The following YEATS2 variants were observed in gnomAD, a reference collection of about 807,000 sequenced individuals.
YEATS2 encodes the protein YEATS domain containing 2.
In YEATS2, 77 loss-of-function variants were observed where a neutral mutation model predicts 163.2. The ratio of observed to expected loss-of-function variants is 0.47; its 90% CI spans 0.39 to 0.57. YEATS2 has a LOEUF of 0.57. Among genes scored for constraint, YEATS2 ranks in the 20% least tolerant of loss-of-function variants. The pLI, the probability that YEATS2 is intolerant of heterozygous loss-of-function variation, is 0.00. For synonymous variants in YEATS2, 631 were observed against 645.1 expected, an observed-to-expected ratio of 0.98 and a Z score of 0.33; for missense variants, 1,549 against 1,729.8, an observed-to-expected ratio of 0.90 and a Z score of 1.85.
At chr3:183,761,730 C>T (rs1342943046) in intron 14 of YEATS2, 116 bp downstream of exon 14, 1 of 918,896 alleles carries the variant, frequency 1.1e-6, no homozygotes, top group African/African-American at 1.6e-5. Context: ...ACTCCTCATT[C>T]TGAGACGTGC....
At chr3:183,799,129 C>T (rs2108510382) in intron 23 of YEATS2, 140 bp downstream of exon 23, 1 of 712,674 alleles carries the variant, frequency 1.4e-6, no homozygotes, top group East Asian at 2.5e-5. Context: ...ATTTGTGAAT[C>T]AGTCACTTGG....
rs1429602870 is a variant in YEATS2 at position 183,777,717 on chromosome 3, A to G, written c.2736+17A>G. 1 of 1,609,660 alleles carries G rather than the reference A, an allele frequency of 6.2e-7. No homozygotes were observed. Among genetic ancestry groups the G allele is most frequent in the South Asian group, 1.1e-5 (1 of 90,168 alleles). On this transcript the variant is annotated intron_variant, in intron 19 of 30. Transcript: ENST00000305135. Reference sequence around the variant, plus strand: ...TTTACACAGGTAAATACGCCCATGCACACACCCCAAATATGGGGTGATTAT... The same window carrying G: ...TTTACACAGGTAAATACGCCCATGCGCACACCCCAAATATGGGGTGATTAT...
chr3:183,786,414 C>CATT, intron 20 of YEATS2, 113 bp downstream of exon 20: 1 of 828,020 alleles, frequency 1.2e-6, no homozygotes, highest in Non-Finnish European at 1.7e-6. Context: ...TCAACTATTG[C>CATT]TTTTTTTTTT....
At chr3:183,718,829 G>A (rs1716184239) in intron 4 of YEATS2, among the ~76,000 whole-genome samples, 1 of 152,144 alleles carries the variant, frequency 6.6e-6, no homozygotes, top group African/African-American at 2.4e-5. Flanking sequence ...TGAGTAGCTG[G>A]GATTACAGGC....
intron 26 of YEATS2, 136 bp downstream of exon 26, chr3:183,803,471 C>A: frequency 2.3e-6 from 2 of 881,540 alleles, no homozygotes; most frequent in South Asian, 1.7e-5. Flanking sequence ...TCTCATTTTT[C>A]AAAGACCTGT....
chr3:183,776,952 C>CAA (rs763680761), intron 18 of YEATS2, among the ~76,000 whole-genome samples: 3 of 92,144 alleles, frequency 3.3e-5, no homozygotes, highest in Non-Finnish European at 4.7e-5. Flanking sequence ...GACTCTGTCT[C>CAA]AAAAAAAAAA....
chr3:183,786,414 C>CTT (rs35962571), intron 20 of YEATS2, 113 bp downstream of exon 20: 321,178 of 818,970 alleles, frequency 0.39, 39,498 homozygotes, highest in Middle Eastern at 0.48. Flanking sequence ...TCAACTATTG[C>CTT]TTTTTTTTTT....
chr3:183,733,931 G>A (rs1027069264), intron 7 of YEATS2, among the ~76,000 whole-genome samples: 1 of 152,118 alleles, frequency 6.6e-6, no homozygotes, highest in Non-Finnish European at 1.5e-5. Context: ...TGAGCACGGG[G>A]CCTTGGCTTT....
At chr3:183,744,421 T>C (rs1719311780) in intron 8 of YEATS2, among the ~76,000 whole-genome samples, 1 of 152,062 alleles carries the variant, frequency 6.6e-6, no homozygotes, top group East Asian at 1.9e-4. Context: ...CTGGCCAGTT[T>C]TACTTTCTTT....
Position 183,724,529 on chromosome 3 carries a change from C to A in YEATS2, c.648C>A (p.Ser216=). ...VKKTIVVGNV[S]KYIPPDKREE... The stretch of plus-strand genomic sequence containing the variant: ...AAACAATAGTAGTGGGCAATGTGTC[C>A]AAGTGAGTATCCAGTTGAATTTATT... The change falls in exon 6 of 31, where the codon TCC becomes TCA. Residue 216 remains serine, a splice_region_variant and synonymous_variant. Coordinates refer to ENST00000305135, the MANE Select transcript of YEATS2 (RefSeq NM_018023.5). The A allele has an allele frequency of 6.3e-7, 1 of 1,593,996 alleles. No homozygotes were observed. Among genetic ancestry groups the A allele is most frequent in the Non-Finnish European group, 8.6e-7 (1 of 1,164,426 alleles).
intron 18 of YEATS2, among the ~76,000 whole-genome samples, chr3:183,776,889 T>C (rs1577169732): frequency 6.6e-6 from 1 of 151,474 alleles, no homozygotes; most frequent in Non-Finnish European, 1.5e-5. Context: ...GAGGCAGAGG[T>C]TGCAGTGAGC....
chr3:183,718,224 A>T (rs751009437), intron 3 of YEATS2, among the ~76,000 whole-genome samples: 1 of 152,222 alleles, frequency 6.6e-6, no homozygotes, highest in Non-Finnish European at 1.5e-5. Flanking sequence ...TTTAAAAAAG[A>T]TAATCCCTCT....
At chr3:183,721,099 T>C (rs1034127737) in intron 4 of YEATS2, among the ~76,000 whole-genome samples, 5 of 152,370 alleles carry the variant, frequency 3.3e-5, no homozygotes, top group East Asian at 1.9e-4. Context: ...TATCCTCTTA[T>C]GTTTTGATTA....
rs772723519 is a variant in YEATS2, at chr3:183,747,668, A to G, written c.925-4A>G. 12 of 1,611,988 alleles carry G rather than the reference A, an allele frequency of 7.4e-6. No individual in the cohort carries two copies. Among genetic ancestry groups the G allele is most frequent in the African/African-American group, 4.0e-5 (3 of 74,920 alleles). The stretch of plus-strand genomic sequence containing the variant: ...TTAACACTCTCCCTTTTGTCTTTCC[A>G]TAGCTGGATAGAACTTATACTGGCT... On this transcript the variant is annotated splice_region_variant and splice_polypyrimidine_tract_variant and intron_variant, in intron 8 of 30. Transcript: ENST00000305135.
Position 183,772,323 on chromosome 3 carries a change from G to A in YEATS2, c.1966G>A (p.Gly656Arg), listed in dbSNP as rs778112046. Residue 656 changes from glycine to arginine, a missense_variant, in exon 16 of 31, where the codon GGG (glycine) becomes AGG (arginine). Gly to Arg is a moderately radical substitution (Grantham distance 125). Coordinates refer to ENST00000305135, the MANE Select transcript of YEATS2 (RefSeq NM_018023.5). ...QPSKVVGVPVGSALPSTVKQA... is the reference protein window; with the variant it reads ...QPSKVVGVPVRSALPSTVKQA... Reference sequence around the variant, plus strand: ...TGAACAGGTTGTCGGGGTACCAGTTGGGTCTGCTTTACCTTCAACAGTGAA... The same window carrying A: ...TGAACAGGTTGTCGGGGTACCAGTTAGGTCTGCTTTACCTTCAACAGTGAA... The A allele has an allele frequency of 6.2e-7, 1 of 1,613,968 alleles. No individual in the cohort carries two copies. Among genetic ancestry groups the A allele is most frequent in the African/African-American group, 1.3e-5 (1 of 75,020 alleles).
At chr3:183,724,167 T>C (rs1415582213) in intron 5 of YEATS2, among the ~76,000 whole-genome samples, 1 of 152,172 alleles carries the variant, frequency 6.6e-6, no homozygotes, top group Non-Finnish European at 1.5e-5. Flanking sequence ...CCAAATCCTA[T>C]TTGCATATTC....
intron 20 of YEATS2, 113 bp downstream of exon 20, chr3:183,786,414 CTT>C: frequency 3.6e-6 from 3 of 827,996 alleles, no homozygotes; most frequent in Non-Finnish European, 3.5e-6. Context: ...TCAACTATTG[CTT>C]TTTTTTTTAA....
At chr3:183,728,402 C>G (rs1418193652) in intron 6 of YEATS2, among the ~76,000 whole-genome samples, 1 of 152,132 alleles carries the variant, frequency 6.6e-6, no homozygotes, top group Non-Finnish European at 1.5e-5. Flanking sequence ...GCTATGTTGC[C>G]CAGGCTGATC....
chr3:183,735,472 T>C (rs1318527273), intron 7 of YEATS2, among the ~76,000 whole-genome samples: 2 of 152,174 alleles, frequency 1.3e-5, no homozygotes, highest in Admixed American at 1.3e-4. Flanking sequence ...CTTTGCTTTC[T>C]TTTCTCTTTG....
Sources: gnomAD v4.1 joint callset for allele counts (sites outside exome capture counted in the v4.1 genomes callset) on GRCh38, gnomAD v4.1.1 for gene constraint, MANE v1.5 for transcripts, NCBI Gene and HGNC (gene_info 2026-07-23, HGNC 2026-07-21) for gene names.